The following RAP1GDS1 variants were observed in gnomAD, a reference collection of about 807,000 sequenced individuals.
The protein encoded by RAP1GDS1 is RAP1, GTP-GDP dissociation stimulator 1.
In RAP1GDS1, 35 loss-of-function variants were observed where a neutral mutation model predicts 71.1. The ratio of observed to expected loss-of-function variants is 0.49; its 90% CI spans 0.38 to 0.65. The LOEUF (loss-of-function observed/expected upper bound fraction) is 0.65, where lower values mean the gene tolerates loss of function less well. Ranked by LOEUF, RAP1GDS1 falls within the 30% of genes least tolerant of loss-of-function variation. The pLI, the probability that RAP1GDS1 is intolerant of heterozygous loss-of-function variation, is 0.00. For missense variants in RAP1GDS1, 663 were observed against 706.1 expected, an observed-to-expected ratio of 0.94 and a Z score of 0.69; for synonymous variants, 229 against 243.1, an observed-to-expected ratio of 0.94 and a Z score of 0.54.
At chr4:98,261,917 C>T (rs1378056278) in intron 1 of RAP1GDS1, among the ~76,000 whole-genome samples, 1 of 152,142 alleles carries the variant, frequency 6.6e-6, no homozygotes, top group Non-Finnish European at 1.5e-5. Flanking sequence ...CCCGTTTCTC[C>T]AGAGGCCGCC....
In RAP1GDS1 at chr4:98,379,029, G is replaced by A; in HGVS notation, c.374G>A (p.Ser125Asn). 1 of 1,599,348 alleles carries A rather than the reference G, an allele frequency of 6.3e-7. No individual in the cohort carries two copies. The change falls in exon 5 of 15, where the codon AGT (serine) becomes AAT (asparagine). Residue 125 changes from serine to asparagine, a missense_variant. Physicochemically the swap from Ser to Asn is conservative, Grantham distance 46. Coordinates refer to ENST00000408927, the MANE Select transcript of RAP1GDS1 (RefSeq NM_001100427.2). ...CTTTGTTTTACAGATGAGGGCAGAA[G>A]TGCAGTTGACCAAGCAGGTGGTGCA... ...NICYDSHEGR[S>N]AVDQAGGAQI...
At chr4:98,329,537 C>G (rs1300613391) in intron 2 of RAP1GDS1, among the ~76,000 whole-genome samples, 1 of 152,104 alleles carries the variant, frequency 6.6e-6, no homozygotes, top group African/African-American at 2.4e-5. Context: ...TGCCTGTAAT[C>G]CCAACACTTT....
chr4:98,368,167 A>G (rs1231446046), intron 4 of RAP1GDS1, among the ~76,000 whole-genome samples: 1 of 152,090 alleles, frequency 6.6e-6, no homozygotes, highest in Non-Finnish European at 1.5e-5. Context: ...AGTTACTGTA[A>G]GGGGGAGTTT....
intron 1 of RAP1GDS1, among the ~76,000 whole-genome samples, chr4:98,291,761 TTCTAAAA>T (rs1726965269): frequency 6.6e-6 from 1 of 152,150 alleles, no homozygotes; most frequent in Non-Finnish European, 1.5e-5. Context: ...TTCTTGTTGT[TTCTAAAA>T]TAACAGGAAT....
At position 98,360,992 on chromosome 4, in the gene RAP1GDS1, A is replaced by T. The variant is rs1415444572; in HGVS notation, c.361+8391A>T. Among the ~76,000 whole-genome samples, 10 of 151,568 alleles carry T rather than the reference A, an allele frequency of 6.6e-5. No homozygotes were observed. The East Asian group carries it at 1.9e-3, about 29-fold the overall frequency. Reference sequence around the variant, plus strand: ...AATTCCAGCTTTGGGAGGCTGGGGCATGAGAATTGCTTGAACCCAGGAGGC... The same window carrying T: ...AATTCCAGCTTTGGGAGGCTGGGGCTTGAGAATTGCTTGAACCCAGGAGGC... On this transcript the variant is annotated intron_variant, in intron 4 of 14. Coordinates refer to ENST00000408927, the MANE Select transcript of RAP1GDS1 (RefSeq NM_001100427.2).
chr4:98,344,504 A>G (rs1369112584), intron 3 of RAP1GDS1, among the ~76,000 whole-genome samples: 1 of 152,118 alleles, frequency 6.6e-6, no homozygotes, highest in East Asian at 1.9e-4. Flanking sequence ...TTTGGATAAC[A>G]GATTTTTGTG....
At chr4:98,326,277 C>G (rs1486379085) in intron 2 of RAP1GDS1, among the ~76,000 whole-genome samples, 2 of 152,152 alleles carry the variant, frequency 1.3e-5, no homozygotes, top group Non-Finnish European at 2.9e-5. Context: ...TCAAAAACCT[C>G]TACCAAAAGT....
At chr4:98,355,227 C>T (rs571382852) in intron 4 of RAP1GDS1, among the ~76,000 whole-genome samples, 10 of 152,108 alleles carry the variant, frequency 6.6e-5, no homozygotes, top group East Asian at 1.9e-4. Flanking sequence ...TCTTCACTCT[C>T]GGGAATGTAA....
At chr4:98,364,232 T>C (rs2110449556) in intron 4 of RAP1GDS1, among the ~76,000 whole-genome samples, 1 of 152,284 alleles carries the variant, frequency 6.6e-6, no homozygotes, top group African/African-American at 2.4e-5. Context: ...ATGGAATATG[T>C]AGATTCAGGG....
chr4:98,413,990 T>C (rs924282730), intron 7 of RAP1GDS1, among the ~76,000 whole-genome samples: 60 of 152,314 alleles, frequency 3.9e-4, no homozygotes, highest in African/African-American at 1.3e-3. Context: ...CATTTTTTCA[T>C]GTGTTTTTTG....
At chr4:98,394,297 A>G (rs1023860385) in intron 6 of RAP1GDS1, among the ~76,000 whole-genome samples, 1 of 152,142 alleles carries the variant, frequency 6.6e-6, no homozygotes, top group Admixed American at 6.5e-5. Context: ...TACCCCAAGA[A>G]ATAGTCATCA....
At chr4:98,265,065 A>G (rs1722533217) in intron 1 of RAP1GDS1, among the ~76,000 whole-genome samples, 1 of 152,228 alleles carries the variant, frequency 6.6e-6, no homozygotes, top group South Asian at 2.1e-4. Context: ...GTGATGGATC[A>G]CATCTGTGGT....
At chr4:98,387,631 T>A in intron 5 of RAP1GDS1, 1 of 326,764 alleles carries the variant, frequency 3.1e-6, no homozygotes, top group East Asian at 7.6e-5. Context: ...CCTGTGTCAT[T>A]TTGATATTAT....
rs898041390 is a variant in RAP1GDS1, at chr4:98,294,627, CAT to C, written c.112+1113_112+1114del. Reference sequence around the variant, plus strand: ...AGCCTGCTATCCATTTTAGTGGACACATGTGGCTATTTAAATTTAATACAAGT... The same window carrying C: ...AGCCTGCTATCCATTTTAGTGGACACGTGGCTATTTAAATTTAATACAAGT... On this transcript the variant is annotated intron_variant, in intron 2 of 14. Transcript: ENST00000408927. Among the ~76,000 whole-genome samples, 10 of 152,138 alleles carry C rather than the reference CAT, an allele frequency of 6.6e-5. No homozygotes were observed. In the South Asian group the frequency reaches 1.0e-3, roughly 16 times the overall value.
At chr4:98,391,926 T>A in intron 5 of RAP1GDS1, 26 bp from the exon 6 acceptor site, 1 of 1,553,992 alleles carries the variant, frequency 6.4e-7, no homozygotes, top group Non-Finnish European at 8.7e-7. Flanking sequence ...TTCTTTTCTG[T>A]TGTTGTTTTT....
intron 5 of RAP1GDS1, among the ~76,000 whole-genome samples, chr4:98,388,546 T>G: frequency 6.6e-6 from 1 of 152,046 alleles, no homozygotes; most frequent in Non-Finnish European, 1.5e-5. Context: ...TCCAACATGG[T>G]GAAACCCTGT....
At chr4:98,362,493 C>A (rs1230660271) in intron 4 of RAP1GDS1, among the ~76,000 whole-genome samples, 1 of 151,856 alleles carries the variant, frequency 6.6e-6, no homozygotes, top group Non-Finnish European at 1.5e-5. Flanking sequence ...ACAACTAACA[C>A]AATGTAGGTA....
chr4:98,273,855 A>G (rs1006788575), intron 1 of RAP1GDS1, among the ~76,000 whole-genome samples: 1 of 152,138 alleles, frequency 6.6e-6, no homozygotes, highest in Non-Finnish European at 1.5e-5. Flanking sequence ...ACCACTTCCA[A>G]TTTAAGGTTA....
chr4:98,417,352 T>C lies in RAP1GDS1; in HGVS notation c.908-15T>C. The C allele has an allele frequency of 6.2e-7, 1 of 1,600,942 alleles. No individual in the cohort carries two copies. Among genetic ancestry groups the C allele is most frequent in the Non-Finnish European group, 8.5e-7 (1 of 1,172,900 alleles). ...ATTTTTCTCTTGCTTAACTATTCGT[T>C]TCATTTACCTCCAGATGAATCCATG... On this transcript the variant is annotated splice_polypyrimidine_tract_variant and intron_variant, in intron 8 of 14. Coordinates refer to ENST00000408927, the MANE Select transcript of RAP1GDS1 (RefSeq NM_001100427.2).
Sources: allele counts gnomAD v4.1 joint callset (sites outside exome capture counted in the v4.1 genomes callset), GRCh38; gene constraint gnomAD v4.1.1; transcripts MANE v1.5; gene names NCBI Gene and HGNC (gene_info 2026-07-23, HGNC 2026-07-21).